The following RAPGEF6 variants were observed in gnomAD, a reference collection of about 807,000 sequenced individuals.
RAPGEF6 encodes Rap guanine nucleotide exchange factor 6.
In RAPGEF6, 56 loss-of-function variants were observed where a neutral mutation model predicts 171.4. The ratio of observed to expected loss-of-function variants is 0.33; its 90% CI spans 0.26 to 0.41. The LOEUF (loss-of-function observed/expected upper bound fraction) is 0.41, where lower values mean the gene tolerates loss of function less well. Among genes scored for constraint, RAPGEF6 ranks in the 10% least tolerant of loss-of-function variants. The probability of loss-of-function intolerance (pLI) is 1.00; values close to 1 mark genes in which losing one functional copy is unlikely to be tolerated. For missense variants in RAPGEF6, 1,674 were observed against 1,921.4 expected (o/e 0.87, Z 2.41); for synonymous variants, 692 against 650.1 (o/e 1.06, Z -0.98).
intron 12 of RAPGEF6, among the ~76,000 whole-genome samples, chr5:131,498,075 A>T (rs948904652): frequency 6.6e-6 from 1 of 152,238 alleles, no homozygotes; most frequent in African/African-American, 2.4e-5. Context: ...CCTCTTAAAA[A>T]AATGTATTTG....
chr5:131,480,778 C>CCTTT, intron 15 of RAPGEF6, among the ~76,000 whole-genome samples: 1 of 151,746 alleles, frequency 6.6e-6, no homozygotes, highest in East Asian at 1.9e-4. Context: ...CATGCCCGGC[C>CCTTT]TAATTTTGGT....
At chr5:131,629,142 A>G (rs191136516) in intron 1 of RAPGEF6, among the ~76,000 whole-genome samples, 3 of 152,316 alleles carry the variant, frequency 2.0e-5, no homozygotes, top group Admixed American at 6.5e-5. Flanking sequence ...TGAAAAGAAA[A>G]TTGAAAACTG....
chr5:131,428,996 A>AAC lies in RAPGEF6; in HGVS notation c.4684_4685dup (p.Pro1563PhefsTer6), dbSNP rs1751535287. 6.2e-7 allele frequency: 1 copy of AAC among 1,614,084 alleles called. No homozygotes were observed. Among genetic ancestry groups the AAC allele is most frequent in the Non-Finnish European group, 8.5e-7 (1 of 1,180,026 alleles). On this transcript the variant is annotated frameshift_variant, in exon 27 of 28. Transcript: ENST00000509018. LOFTEE classifies it high-confidence loss of function. ...GAGGCTGAGTTACAATCTTCGATGGAACACAGGCCACGAGGTTGCTACTGA... is the reference window on the plus strand; with the variant it reads ...GAGGCTGAGTTACAATCTTCGATGGAACACACAGGCCACGAGGTTGCTACTGA...
At chr5:131,559,344 A>C (rs951012436) in intron 5 of RAPGEF6, among the ~76,000 whole-genome samples, 8 of 152,086 alleles carry the variant, frequency 5.3e-5, no homozygotes, top group Admixed American at 2.6e-4. Context: ...GAAAATAAAA[A>C]TAAAAATAAA....
At chr5:131,534,765 TTAAGA>T (rs773911203) in intron 6 of RAPGEF6, among the ~76,000 whole-genome samples, 25 of 152,072 alleles carry the variant, frequency 1.6e-4, no homozygotes, top group Non-Finnish European at 3.5e-4. Context: ...AAACTTTCAC[TTAAGA>T]TAAAATTTCT....
intron 3 of RAPGEF6, among the ~76,000 whole-genome samples, chr5:131,595,124 A>T (rs759927598): frequency 1.3e-5 from 2 of 152,286 alleles, no homozygotes; most frequent in South Asian, 2.1e-4. Flanking sequence ...TCCCCACTCA[A>T]ATCTCATGTT....
intron 21 of RAPGEF6, chr5:131,446,932 C>T: frequency 2.1e-6 from 1 of 473,094 alleles, no homozygotes; most frequent in South Asian, 2.4e-5. Flanking sequence ...CAATGGCCCC[C>T]TGAGTGGCAT....
intron 6 of RAPGEF6, among the ~76,000 whole-genome samples, chr5:131,529,400 C>T (rs1183854344): frequency 1.3e-5 from 2 of 150,996 alleles, no homozygotes; most frequent in Non-Finnish European, 2.9e-5. Flanking sequence ...CGCTTTGACC[C>T]GGGAGGTGGA....
chr5:131,461,804 G>C lies in RAPGEF6; in HGVS notation c.2765C>G (p.Ala922Gly). 6.2e-7 allele frequency: 1 copy of C among 1,613,734 alleles called. No individual in the cohort carries two copies. The highest frequency in any genetic ancestry group is 2.2e-5 in the East Asian group (1 of 44,870). ...FWVASEILTE[A>G]NQLKRMKIIK... ...AATCTTCATTCGTTTGAGCTGATTT[G>C]CTTCAGTTAAAATTTCTGAGGCAAC... is the stretch of plus-strand genomic sequence containing the variant. The change falls in exon 19 of 28, where the codon GCA becomes GGA. Residue 922 changes from alanine (A) to glycine (G), a missense_variant. Ala to Gly is a moderately conservative substitution (Grantham distance 60, BLOSUM62 0). This residue lies in a region of RAPGEF6 where 1,116 missense variants were observed against 1,321.5 expected (regional missense o/e 0.84). Coordinates refer to ENST00000509018, the MANE Select transcript of RAPGEF6 (RefSeq NM_016340.6).
rs1034283416 is a variant in RAPGEF6 at position 131,429,155 on chromosome 5, T to C, written c.4527A>G (p.Pro1509=). Residue 1509 remains proline (P), a synonymous_variant, in exon 27 of 28, where the codon CCA becomes CCG. Coordinates refer to ENST00000509018, the MANE Select transcript of RAPGEF6 (RefSeq NM_016340.6). ...CCGCTAAAGAAATCCCCAAATATCC[T>C]GGAGGAGTGGGAGGTGGCTCCCTAT... ...DRYREPPPTP[P]GYLGISLADL... is the part of the protein sequence containing the mutation. 3 of 1,613,686 alleles carry C rather than the reference T, an allele frequency of 1.9e-6. No individual in the cohort carries two copies. Among genetic ancestry groups the C allele is most frequent in the Non-Finnish European group, 8.5e-7 (1 of 1,179,792 alleles).
chr5:131,505,545 T>C (rs775996357), intron 9 of RAPGEF6, 23 bp from the exon 10 acceptor site: 3 of 1,591,218 alleles, frequency 1.9e-6, no homozygotes, highest in South Asian at 2.2e-5. Flanking sequence ...ACAAAGGTTT[T>C]ATGAATCTTT....
intron 4 of RAPGEF6, among the ~76,000 whole-genome samples, chr5:131,586,138 A>C (rs763993777): frequency 9.2e-5 from 14 of 152,224 alleles, no homozygotes; most frequent in Non-Finnish European, 1.8e-4. Context: ...CAGGAAAGAC[A>C]AATTTTTCTA....
chr5:131,536,857 A>G (rs1315751530), intron 6 of RAPGEF6, among the ~76,000 whole-genome samples: 5 of 152,246 alleles, frequency 3.3e-5, no homozygotes, highest in Admixed American at 3.3e-4. Context: ...AGAGTAACAT[A>G]TATAAATGAT....
intron 12 of RAPGEF6, 152 bp downstream of exon 12, chr5:131,498,291 C>A: frequency 1.4e-6 from 1 of 691,984 alleles, no homozygotes; most frequent in Non-Finnish European, 2.3e-6. Context: ...TAAAAGTAAG[C>A]AGAGAATGTT....
At chr5:131,534,182 G>A (rs1056617692) in intron 6 of RAPGEF6, among the ~76,000 whole-genome samples, 10 of 152,038 alleles carry the variant, frequency 6.6e-5, no homozygotes, top group Non-Finnish European at 1.0e-4. Context: ...CAACATAAGA[G>A]GAGATGTTAC....
At chr5:131,605,969 G>T (rs1764536547) in intron 1 of RAPGEF6, among the ~76,000 whole-genome samples, 1 of 141,658 alleles carries the variant, frequency 7.1e-6, no homozygotes, top group Non-Finnish European at 1.5e-5. Flanking sequence ...GGCGGAGCTT[G>T]CAGTGAGCTG....
At chr5:131,551,628 T>A (rs1290968107) in intron 5 of RAPGEF6, among the ~76,000 whole-genome samples, 1 of 152,124 alleles carries the variant, frequency 6.6e-6, no homozygotes, top group African/African-American at 2.4e-5. Flanking sequence ...AAAGAGATTA[T>A]CTACTTTAGA....
At chr5:131,563,997 A>C (rs1214625394) in intron 4 of RAPGEF6, among the ~76,000 whole-genome samples, 2 of 152,210 alleles carry the variant, frequency 1.3e-5, no homozygotes, top group Non-Finnish European at 2.9e-5. Context: ...CAACAATTTC[A>C]AGACACCAAA....
At chr5:131,553,150 G>A (rs1157695913) in intron 5 of RAPGEF6, among the ~76,000 whole-genome samples, 1 of 152,186 alleles carries the variant, frequency 6.6e-6, no homozygotes, top group Non-Finnish European at 1.5e-5. Context: ...ATGAGAACAT[G>A]AAGAGACCCT....
Sources: gnomAD v4.1 joint callset for allele counts (sites outside exome capture counted in the v4.1 genomes callset) on GRCh38, gnomAD v4.1.1 for gene constraint, gnomAD v4.1.1 regional missense constraint, MANE v1.5 for transcripts, NCBI Gene and HGNC (gene_info 2026-07-23, HGNC 2026-07-21) for gene names.